The following S1PR1 variants were observed in gnomAD, a reference collection of about 807,000 sequenced individuals.
S1PR1 encodes the protein sphingosine 1-phosphate receptor 1.
Under a neutral mutation model 18.3 loss-of-function variants are expected in S1PR1, and 2 were observed. The observed-to-expected ratio is 0.11, with a 90% CI of 0.04 to 0.34. S1PR1 has a LOEUF of 0.34. S1PR1 is among the 10% of genes least tolerant of loss of function. The probability of loss-of-function intolerance (pLI) is 1.00; values close to 1 mark genes in which losing one functional copy is unlikely to be tolerated. For synonymous variants in S1PR1, 222 were observed against 211.2 expected, an observed-to-expected ratio of 1.05 and a Z score of -0.44; for missense variants, 335 against 493.8, an observed-to-expected ratio of 0.68 and a Z score of 3.05.
Position 101,240,197 on chromosome 1 carries a change from G to T in S1PR1, c.*64G>T. ...TGGTCGCTGGCCACCCCAGTGTTTGGAAAAAAATCTCTGGGCTTCGACTGC... is the reference window on the plus strand; with the variant it reads ...TGGTCGCTGGCCACCCCAGTGTTTGTAAAAAAATCTCTGGGCTTCGACTGC... On this transcript the variant is annotated 3_prime_UTR_variant, in exon 2 of 2. Coordinates refer to ENST00000305352, the MANE Select transcript of S1PR1 (RefSeq NM_001400.5). 1 of 1,560,712 alleles carries T rather than the reference G, an allele frequency of 6.4e-7. No individual in the cohort carries two copies. Among genetic ancestry groups the T allele is most frequent in the South Asian group, 1.2e-5 (1 of 86,400 alleles).
Position 101,240,440 on chromosome 1 carries a change from T to C in S1PR1, c.*307T>C, listed in dbSNP as rs1248547456. 5.1e-6 allele frequency: 2 copies of C among 395,840 alleles called. No homozygotes were observed. Among genetic ancestry groups the C allele is most frequent in the Non-Finnish European group, 4.8e-6 (1 of 209,648 alleles). The allele number at this position is 395,840 out of a possible 1,614,324, so 24.5% of individuals were successfully genotyped here. ...ATTGTCAAGCTCCTAAAGGGTTCAT[T>C]TGGCCCCTCCTCAAAGACTAATGTC... is the stretch of plus-strand genomic sequence containing the variant. On this transcript the variant is annotated 3_prime_UTR_variant, in exon 2 of 2. Coordinates refer to ENST00000305352, the MANE Select transcript of S1PR1 (RefSeq NM_001400.5).
In S1PR1 at chr1:101,238,806, C is replaced by A. The variant is rs1207165894; in HGVS notation, c.-163-16C>A. The A allele has an allele frequency of 3.2e-6, 2 of 616,964 alleles. No homozygotes were observed. The highest frequency in any genetic ancestry group is 5.7e-6 in the Non-Finnish European group (2 of 353,084). 38.2% of individuals were successfully genotyped at this position (616,964 alleles called of 1,614,324 possible). ...CTGTGGCTCTTTCCCTGACTCTCTC[C>A]TCTGACTTGTTTAAGGCTGCGGTTT... On this transcript the variant is annotated splice_polypyrimidine_tract_variant and intron_variant, in intron 1 of 1. Coordinates refer to ENST00000305352, the MANE Select transcript of S1PR1 (RefSeq NM_001400.5).
chr1:101,238,977 T>C lies in S1PR1; in HGVS notation c.-8T>C. On this transcript the variant is annotated 5_prime_UTR_variant, in exon 2 of 2. Transcript: ENST00000305352. ...ACCCCGGCTTCCTGGGGACACAGGG[T>C]TGGCACCATGGGGCCCACCAGCGTC... The C allele has an allele frequency of 1.2e-6, 2 of 1,609,238 alleles. No homozygotes were observed. Among genetic ancestry groups the C allele is most frequent in the South Asian group, 1.1e-5 (1 of 90,390 alleles).
At position 101,240,209 on chromosome 1, in the gene S1PR1, T is replaced by G. The variant is rs1415137853; in HGVS notation, c.*76T>G. 3.3e-6 allele frequency: 5 copies of G among 1,513,386 alleles called. No individual in the cohort carries two copies. The highest frequency in any genetic ancestry group is 4.5e-6 in the Non-Finnish European group (5 of 1,106,940). 93.7% of individuals were successfully genotyped at this position (1,513,386 alleles called of 1,614,324 possible). ...ACCCCAGTGTTTGGAAAAAAATCTC[T>G]GGGCTTCGACTGCTGCCAGGGAGGA... is the stretch of plus-strand genomic sequence containing the variant. On this transcript the variant is annotated 3_prime_UTR_variant, in exon 2 of 2. Coordinates refer to ENST00000305352, the MANE Select transcript of S1PR1 (RefSeq NM_001400.5).
rs199991786 is a variant in S1PR1 at position 101,238,968 on chromosome 1, G to A, written c.-17G>A. 4 of 1,600,182 alleles carry A rather than the reference G, an allele frequency of 2.5e-6. No individual in the cohort carries two copies. The highest frequency in any genetic ancestry group is 1.3e-5 in the African/African-American group (1 of 74,566). The stretch of plus-strand genomic sequence containing the variant: ...AGTAGCGCCACCCCGGCTTCCTGGG[G>A]ACACAGGGTTGGCACCATGGGGCCC... On this transcript the variant is annotated 5_prime_UTR_variant, in exon 2 of 2. Transcript: ENST00000305352.
At position 101,240,998 on chromosome 1, in the gene S1PR1, G is replaced by T. The variant is rs1206325660; in HGVS notation, c.*865G>T. ...GTGAAAACCGAATGGATTAACTTTT[G>T]CAAACCAAGGGAGATTTCTTAGCAA... On this transcript the variant is annotated 3_prime_UTR_variant, in exon 2 of 2. Transcript: ENST00000305352. 1.8e-5 allele frequency: 3 copies of T among 167,142 alleles called. No individual in the cohort carries two copies. The highest frequency in any genetic ancestry group is 7.2e-5 in the African/African-American group (3 of 41,440). 10.4% of individuals were successfully genotyped at this position (167,142 alleles called of 1,614,324 possible). A position where few individuals can be genotyped will look rare whatever the true frequency, so the allele number is the denominator to read the frequency against.
chr1:101,238,786 G>T (rs1652789458), intron 1 of S1PR1, 36 bp from the exon 2 acceptor site: 4 of 596,460 alleles, frequency 6.7e-6, no homozygotes, highest in African/African-American at 5.6e-5. Context: ...GTATGCTGTG[G>T]CTCTTTCCCT....
In S1PR1 at chr1:101,238,853, G is replaced by A. The variant is rs542351544; in HGVS notation, c.-132G>A. 1 of 876,110 alleles carries A rather than the reference G, an allele frequency of 1.1e-6. No homozygotes were observed. The highest frequency in any genetic ancestry group is 1.8e-5 in the South Asian group (1 of 56,002). 54.3% of individuals were successfully genotyped at this position (876,110 alleles called of 1,614,324 possible). On this transcript the variant is annotated 5_prime_UTR_variant, in exon 2 of 2. Transcript: ENST00000305352. The stretch of plus-strand genomic sequence containing the variant: ...GTTTCCGAGGCCCTCTCCAGCCAAG[G>A]AAAAGCTACACAAAAAGCCTGGATC...
Position 101,240,732 on chromosome 1 carries a change from A to C in S1PR1, c.*599A>C, listed in dbSNP as rs1652863906. On this transcript the variant is annotated 3_prime_UTR_variant, in exon 2 of 2. Transcript: ENST00000305352. Reference sequence around the variant, plus strand: ...TGAGTACGTAGGCTGTGGGAAGATGAAGATGGTTTGGAGGTGTAAAACAAT... The same window carrying C: ...TGAGTACGTAGGCTGTGGGAAGATGCAGATGGTTTGGAGGTGTAAAACAAT... The C allele has an allele frequency of 6.0e-6, 1 of 167,912 alleles. No individual in the cohort carries two copies. Among genetic ancestry groups the C allele is most frequent in the Non-Finnish European group, 1.5e-5 (1 of 68,662 alleles). 10.4% of individuals were successfully genotyped at this position (167,912 alleles called of 1,614,324 possible).
At position 101,240,190 on chromosome 1, in the gene S1PR1, G is replaced by A. The variant is rs943427975; in HGVS notation, c.*57G>A. 3 of 1,582,160 alleles carry A rather than the reference G, an allele frequency of 1.9e-6. No individual in the cohort carries two copies. The highest frequency in any genetic ancestry group is 2.7e-5 in the African/African-American group (2 of 73,502). On this transcript the variant is annotated 3_prime_UTR_variant, in exon 2 of 2. Transcript: ENST00000305352. Reference sequence around the variant, plus strand: ...CTTTACTTGGTCGCTGGCCACCCCAGTGTTTGGAAAAAAATCTCTGGGCTT... The same window carrying A: ...CTTTACTTGGTCGCTGGCCACCCCAATGTTTGGAAAAAAATCTCTGGGCTT...
At position 101,238,995 on chromosome 1, in the gene S1PR1, C is replaced by T; in HGVS notation, c.11C>T (p.Thr4Ile). The T allele has an allele frequency of 6.2e-7, 1 of 1,612,934 alleles. No individual in the cohort carries two copies. The highest frequency in any genetic ancestry group is 8.5e-7 in the Non-Finnish European group (1 of 1,179,220). ...CACAGGGTTGGCACCATGGGGCCCA[C>T]CAGCGTCCCGCTGGTCAAGGCCCAC... The part of the protein sequence containing the change: MGP[T>I]SVPLVKAHRS... The change falls in exon 2 of 2, where the codon ACC (threonine) becomes ATC (isoleucine). Residue 4 changes from threonine (T) to isoleucine (I), a missense_variant. By Grantham distance (89) the Thr-to-Ile change is moderately conservative. Around this residue, in one of 3 missense-constraint regions of S1PR1, gnomAD observed 31 missense variants for 29.6 expected, o/e 1.05. Coordinates refer to ENST00000305352, the MANE Select transcript of S1PR1 (RefSeq NM_001400.5).
At position 101,240,316 on chromosome 1, in the gene S1PR1, G is replaced by A; in HGVS notation, c.*183G>A. 1.5e-6 allele frequency: 1 copy of A among 645,848 alleles called. No individual in the cohort carries two copies. The highest frequency in any genetic ancestry group is 2.0e-5 in the South Asian group (1 of 51,274). The allele number at this position is 645,848 out of a possible 1,614,324, so 40.0% of individuals were successfully genotyped here. A position where few individuals can be genotyped will look rare whatever the true frequency, so the allele number is the denominator to read the frequency against. The stretch of plus-strand genomic sequence containing the variant: ...GTGTTGGTGGGTAGAGTTAGTTCCT[G>A]TGAACAATGCACTGGGAAGGGTGGA... On this transcript the variant is annotated 3_prime_UTR_variant, in exon 2 of 2. Coordinates refer to ENST00000305352, the MANE Select transcript of S1PR1 (RefSeq NM_001400.5).
chr1:101,238,502 C>T (rs1652780567), intron 1 of S1PR1, among the ~76,000 whole-genome samples: 1 of 150,824 alleles, frequency 6.6e-6, no homozygotes, highest in Non-Finnish European at 1.5e-5. Context: ...CCCATTCCTC[C>T]CACTCCTTGT....
intron 1 of S1PR1, chr1:101,238,226 C>G (rs1652769907): frequency 6.7e-6 from 1 of 149,240 alleles, no homozygotes; most frequent in Admixed American, 6.7e-5. Context: ...AATCTGATTT[C>G]TTGCATGGCA....
chr1:101,237,122 G>C (rs1226817948), intron 1 of S1PR1, 23 bp downstream of exon 1: 1 of 152,276 alleles, frequency 6.6e-6, no homozygotes, highest in East Asian at 1.9e-4. Flanking sequence ...GAATGGCGGG[G>C]GTCGCGGGCG....
chr1:101,240,262 G>C lies in S1PR1; in HGVS notation c.*129G>C, dbSNP rs200378514. ...TGCTGCAAGCCAGAGGGAGGAAGGG[G>C]GAGAATACGAACAGCCTGGTGGTGT... is the stretch of plus-strand genomic sequence containing the variant. On this transcript the variant is annotated 3_prime_UTR_variant, in exon 2 of 2. Coordinates refer to ENST00000305352, the MANE Select transcript of S1PR1 (RefSeq NM_001400.5). The C allele has an allele frequency of 2.4e-5, 23 of 958,942 alleles. No homozygotes were observed. Among genetic ancestry groups the C allele is most frequent in the Non-Finnish European group, 3.6e-5 (23 of 636,244 alleles). 59.4% of individuals were successfully genotyped at this position (958,942 alleles called of 1,614,324 possible).
Position 101,241,276 on chromosome 1 carries a change from G to A in S1PR1, c.*1143G>A, listed in dbSNP as rs199952170. Reference sequence around the variant, plus strand: ...GCCCTTAAAAGCATTACTTTAACTGGTAGGGAACGCCAGAAACTTTTCAGT... The same window carrying A: ...GCCCTTAAAAGCATTACTTTAACTGATAGGGAACGCCAGAAACTTTTCAGT... On this transcript the variant is annotated 3_prime_UTR_variant, in exon 2 of 2. Coordinates refer to ENST00000305352, the MANE Select transcript of S1PR1 (RefSeq NM_001400.5). 29 of 167,096 alleles carry A rather than the reference G, an allele frequency of 1.7e-4. No homozygotes were observed. The highest frequency in any genetic ancestry group is 6.5e-4 in the African/African-American group (27 of 41,394). 10.4% of individuals were successfully genotyped at this position (167,096 alleles called of 1,614,324 possible). A position where few individuals can be genotyped will look rare whatever the true frequency, so the allele number is the denominator to read the frequency against.
Position 101,238,142 on chromosome 1 carries a change from C to T in S1PR1, c.-163-680C>T, listed in dbSNP as rs1221488947. On this transcript the variant is annotated intron_variant, in intron 1 of 1. Transcript: ENST00000305352. ...CCACACCTCACTGCGCCCTCGGACC[C>T]TAAGCACACCTGCTCCTAGAGAGTT... The T allele has an allele frequency of 3.3e-5, 5 of 151,920 alleles. No individual in the cohort carries two copies. In the East Asian group the frequency reaches 9.7e-4, roughly 29 times the overall value. 9.4% of individuals were successfully genotyped at this position (151,920 alleles called of 1,614,324 possible).
At position 101,240,396 on chromosome 1, in the gene S1PR1, A is replaced by C. The variant is rs972577473; in HGVS notation, c.*263A>C. On this transcript the variant is annotated 3_prime_UTR_variant, in exon 2 of 2. Coordinates refer to ENST00000305352, the MANE Select transcript of S1PR1 (RefSeq NM_001400.5). ...TACCCCCCTGGAGCTTTGATTTTGC[A>C]CTGAGCCAAAGGTCTAGCATTGTCA... is the stretch of plus-strand genomic sequence containing the variant. 1.3e-5 allele frequency: 7 copies of C among 543,706 alleles called. No homozygotes were observed. Among genetic ancestry groups the C allele is most frequent in the African/African-American group, 1.1e-4 (6 of 52,524 alleles). 33.7% of individuals were successfully genotyped at this position (543,706 alleles called of 1,614,324 possible). A position where few individuals can be genotyped will look rare whatever the true frequency, so the allele number is the denominator to read the frequency against.
Sources: gnomAD v4.1 joint callset for allele counts (sites outside exome capture counted in the v4.1 genomes callset) on GRCh38, gnomAD v4.1.1 for gene constraint, gnomAD v4.1.1 regional missense constraint, MANE v1.5 for transcripts, NCBI Gene and HGNC (gene_info 2026-07-23, HGNC 2026-07-21) for gene names.